GPR39: variants seen among roughly 807,000 people sequenced by gnomAD.
GPR39 encodes the protein zinc sensing receptor.
In GPR39, 23 loss-of-function variants were observed where a neutral mutation model predicts 18.4. The ratio of observed to expected loss-of-function variants is 1.25; its 90% confidence interval spans 0.90 to 1.77. GPR39 has a LOEUF of 1.77. Among genes scored for constraint, GPR39 ranks in the 40% most tolerant of loss-of-function variants. GPR39 has a pLI of 0.00. For missense variants in GPR39, 647 were observed against 602.4 expected, an observed-to-expected ratio of 1.07 and a Z score of -0.78; for synonymous variants, 280 against 257.9, an observed-to-expected ratio of 1.09 and a Z score of -0.82.
intron 1 of GPR39, among the ~76,000 whole-genome samples, chr2:132,530,697 T>A (rs895371689): frequency 1.3e-5 from 2 of 152,202 alleles, no homozygotes; most frequent in Admixed American, 1.3e-4. Context: ...GGGGCTCATA[T>A]TCAACATTCT....
intron 1 of GPR39, among the ~76,000 whole-genome samples, chr2:132,609,077 G>GC (rs1452675815): frequency 5.9e-5 from 9 of 152,338 alleles, no homozygotes; most frequent in Admixed American, 4.6e-4. Context: ...GTACAAAGGT[G>GC]CCCGGGATGT....
chr2:132,543,277 A>G (rs535653624), intron 1 of GPR39, among the ~76,000 whole-genome samples: 7 of 152,238 alleles, frequency 4.6e-5, no homozygotes. Context: ...CCATCCTTCC[A>G]GTGTGCTTTC....
At chr2:132,445,499 A>G (rs1427609030) in intron 1 of GPR39, among the ~76,000 whole-genome samples, 2 of 152,212 alleles carry the variant, frequency 1.3e-5, no homozygotes, top group Non-Finnish European at 2.9e-5. Context: ...TATTTATTTT[A>G]GGCCAAATTT....
chr2:132,549,206 G>A (rs767795279), intron 1 of GPR39, among the ~76,000 whole-genome samples: 2 of 152,164 alleles, frequency 1.3e-5, no homozygotes, highest in Admixed American at 6.5e-5. Context: ...GGTCTGTGGT[G>A]TGTACTTGTG....
intron 1 of GPR39, among the ~76,000 whole-genome samples, chr2:132,640,588 A>T (rs1460878345): frequency 6.6e-6 from 1 of 152,234 alleles, no homozygotes; most frequent in Admixed American, 6.5e-5. Context: ...AAGTTATTTA[A>T]CTGTGGGCTG....
intron 1 of GPR39, 41 bp downstream of exon 1, chr2:132,417,939 AC>A (rs1558792923): frequency 6.5e-7 from 1 of 1,534,050 alleles, no homozygotes; most frequent in Non-Finnish European, 8.7e-7. Context: ...CAGCTTCCCA[AC>A]CTTCCCCCAC....
chr2:132,641,871 A>G (rs1430860808), intron 1 of GPR39, among the ~76,000 whole-genome samples: 1 of 152,216 alleles, frequency 6.6e-6, no homozygotes, highest in African/African-American at 2.4e-5. Flanking sequence ...TTCAAACTGA[A>G]AGTATGAATA....
At chr2:132,625,486 T>A (rs542733688) in intron 1 of GPR39, among the ~76,000 whole-genome samples, 21 of 152,306 alleles carry the variant, frequency 1.4e-4, no homozygotes, top group African/African-American at 4.8e-4. Context: ...ACTAGACAGA[T>A]TGGCAAACTT....
chr2:132,417,959 C>G, intron 1 of GPR39, 61 bp downstream of exon 1: 1 of 1,519,498 alleles, frequency 6.6e-7, no homozygotes, highest in Non-Finnish European at 8.8e-7. Flanking sequence ...ACGACCCGTG[C>G]CACTGCCTGT....
At position 132,602,872 on chromosome 2, in the gene GPR39, A is replaced by AG. The variant is rs1357475384; in HGVS notation, c.857-42229_857-42228insG. Among the ~76,000 whole-genome samples the AG allele has an allele frequency of 0.017, 44 of 2,646 alleles. No individual in the cohort carries two copies. The Non-Finnish European group carries it at 0.29, about 17-fold the overall frequency. The allele number at this position is 2,646 out of a possible 152,430, so 1.7% of individuals were successfully genotyped here. ...TTAGCCTAGAATGGCTTAAAAAGAG[A>AG]AAAAAAAAAAAAACAAATGCTAGTG... On this transcript the variant is annotated intron_variant, in intron 1 of 1. Transcript: ENST00000329321.
At chr2:132,424,407 C>T (rs919488383) in intron 1 of GPR39, among the ~76,000 whole-genome samples, 9 of 152,140 alleles carry the variant, frequency 5.9e-5, no homozygotes, top group African/African-American at 2.2e-4. Context: ...GAGTGAGCCA[C>T]ACTTATCACC....
At chr2:132,543,312 T>C (rs1679892544) in intron 1 of GPR39, among the ~76,000 whole-genome samples, 1 of 152,158 alleles carries the variant, frequency 6.6e-6, no homozygotes, top group Non-Finnish European at 1.5e-5. Flanking sequence ...AGACACTCCA[T>C]ATTGATTTAC....
At chr2:132,641,289 A>G (rs988761755) in intron 1 of GPR39, among the ~76,000 whole-genome samples, 1 of 152,246 alleles carries the variant, frequency 6.6e-6, no homozygotes, top group Non-Finnish European at 1.5e-5. Flanking sequence ...GTTCCTCGCT[A>G]TAGCTGAGAA....
intron 1 of GPR39, among the ~76,000 whole-genome samples, chr2:132,536,112 A>G (rs991768689): frequency 6.7e-6 from 1 of 150,244 alleles, no homozygotes; most frequent in Non-Finnish European, 1.5e-5. Flanking sequence ...GTCTTCTGCT[A>G]GCTTTTGGAT....
chr2:132,538,231 G>A (rs1679795084), intron 1 of GPR39, among the ~76,000 whole-genome samples: 2 of 152,092 alleles, frequency 1.3e-5, no homozygotes, highest in African/African-American at 2.4e-5. Context: ...TGAGGTTTTT[G>A]TATTTTTGTT....
chr2:132,552,587 A>G (rs1215887680), intron 1 of GPR39, among the ~76,000 whole-genome samples: 20 of 152,256 alleles, frequency 1.3e-4, no homozygotes, highest in African/African-American at 9.6e-5. Flanking sequence ...AGCCTAACAC[A>G]TAATAATCTA....
In GPR39 at chr2:132,624,332, C is replaced by T. The variant is rs187187572; in HGVS notation, c.857-20769C>T. On this transcript the variant is annotated intron_variant, in intron 1 of 1. Coordinates refer to ENST00000329321, the MANE Select transcript of GPR39 (RefSeq NM_001508.3). ...TGACCCCATTTTACTGTAATTGCCT[C>T]GTTAAGACCCTATCTCCAAATACAG... Among the ~76,000 whole-genome samples, 42 of 152,244 alleles carry T rather than the reference C, an allele frequency of 2.8e-4. 1 individual carries two copies. In the East Asian group the frequency reaches 5.2e-3, roughly 19 times the overall value.
chr2:132,552,140 T>C (rs1680055325), intron 1 of GPR39, among the ~76,000 whole-genome samples: 1 of 152,204 alleles, frequency 6.6e-6, no homozygotes, highest in African/African-American at 2.4e-5. Flanking sequence ...CTTGACACAG[T>C]ATGGCATAAC....
intron 1 of GPR39, chr2:132,605,970 G>T (rs1455155309): frequency 6.6e-6 from 1 of 152,186 alleles, no homozygotes; most frequent in Non-Finnish European, 1.5e-5. Flanking sequence ...TGCTGGTGGA[G>T]CCATGGCCTC....
Sources: gnomAD v4.1 joint callset for allele counts (sites outside exome capture counted in the v4.1 genomes callset) on GRCh38, gnomAD v4.1.1 for gene constraint, MANE v1.5 for transcripts, NCBI Gene and HGNC (gene_info 2026-07-23, HGNC 2026-07-21) for gene names.